The following NCAPG2 variants were observed in gnomAD, a reference collection of about 807,000 sequenced individuals.
NCAPG2 encodes the protein non-SMC condensin II complex subunit G2, also known as condensin-2 complex subunit G2.
NCAPG2 carries 53 observed loss-of-function variants against 141.1 expected under a neutral mutation model. The ratio of observed to expected loss-of-function variants is 0.38; its 90% CI spans 0.30 to 0.47. The LOEUF (loss-of-function observed/expected upper bound fraction) is 0.47, where lower values mean the gene tolerates loss of function less well. Ranked by LOEUF, NCAPG2 falls within the 20% of genes least tolerant of loss-of-function variation. The pLI is 0.99. For missense variants in NCAPG2, 1,087 were observed against 1,389.0 expected, an observed-to-expected ratio of 0.78 and a Z score of 3.46; for synonymous variants, 499 against 490.7, an observed-to-expected ratio of 1.02 and a Z score of -0.22.
intron 17 of NCAPG2, among the ~76,000 whole-genome samples, chr7:158,657,382 G>A (rs935194497): frequency 6.6e-6 from 1 of 152,194 alleles, no homozygotes; most frequent in Admixed American, 6.5e-5. Flanking sequence ...TGTGACCAAC[G>A]GTGACCTTGT....
intron 9 of NCAPG2, among the ~76,000 whole-genome samples, chr7:158,682,489 T>C (rs1430307753): frequency 6.6e-6 from 1 of 152,176 alleles, no homozygotes; most frequent in Non-Finnish European, 1.5e-5. Flanking sequence ...AAATCATCAA[T>C]AATGCAAAGA....
At chr7:158,669,114 G>T (rs1183902755) in intron 13 of NCAPG2, among the ~76,000 whole-genome samples, 5 of 152,108 alleles carry the variant, frequency 3.3e-5, no homozygotes, top group Admixed American at 3.3e-4. Context: ...TCCTTTTTAT[G>T]GCGGCATAGT....
At chr7:158,698,052 A>G (rs1835567009) in intron 2 of NCAPG2, among the ~76,000 whole-genome samples, 1 of 152,096 alleles carries the variant, frequency 6.6e-6, no homozygotes, top group Non-Finnish European at 1.5e-5. Flanking sequence ...TGTACAATAA[A>G]CCCCCATGAG....
chr7:158,677,525 CAAAAAAAAAAAAA>C, intron 11 of NCAPG2, among the ~76,000 whole-genome samples: 1 of 90,404 alleles, frequency 1.1e-5, no homozygotes, highest in Admixed American at 1.1e-4. Context: ...AAAAATAAAG[CAAAAAAAAAAAAA>C]AAAAAAAAAA....
intron 12 of NCAPG2, among the ~76,000 whole-genome samples, chr7:158,673,012 A>C (rs1316584060): frequency 1.3e-5 from 2 of 152,224 alleles, no homozygotes; most frequent in Non-Finnish European, 2.9e-5. Flanking sequence ...GTTTCCTCAG[A>C]AGCATGAAAG....
intron 15 of NCAPG2, 62 bp downstream of exon 15, chr7:158,664,122 A>C: frequency 8.1e-7 from 1 of 1,227,590 alleles, no homozygotes; most frequent in South Asian, 1.2e-5. Context: ...TCCTAACATA[A>C]TGGCCCATGG....
chr7:158,665,829 C>A (rs139242445), intron 13 of NCAPG2, among the ~76,000 whole-genome samples: 2 of 152,160 alleles, frequency 1.3e-5, no homozygotes, highest in African/African-American at 4.8e-5. Context: ...GACATATGAA[C>A]GCCCTCAACT....
intron 11 of NCAPG2, among the ~76,000 whole-genome samples, chr7:158,677,339 G>A (rs1834121537): frequency 6.6e-6 from 1 of 151,816 alleles, no homozygotes; most frequent in Non-Finnish European, 1.5e-5. Context: ...AGAAACTAAG[G>A]GAAGTCCTCC....
Position 158,679,962 on chromosome 7 carries a change from A to G in NCAPG2, c.1144T>C (p.Tyr382His). The change falls in exon 11 of 28, where the codon TAT becomes CAT. Residue 382 changes from tyrosine to histidine, a missense_variant and splice_region_variant. By Grantham distance (83) the Tyr-to-His change is moderately conservative. Coordinates refer to ENST00000356309, the MANE Select transcript of NCAPG2 (RefSeq NM_017760.7). The part of the protein sequence containing the change: ...SEIQKQFEEL[Y>H]SLLEDPYPMV... ...GCTTGACCACCTGAAGTACGTACAT[A>G]GAGCTCTTCAAACTGTTTCTGGATT... 6.2e-7 allele frequency: 1 copy of G among 1,614,062 alleles called. No homozygotes were observed. The highest frequency in any genetic ancestry group is 8.5e-7 in the Non-Finnish European group (1 of 1,179,964).
intron 27 of NCAPG2, among the ~76,000 whole-genome samples, chr7:158,637,789 C>T (rs1830387913): frequency 6.6e-6 from 1 of 152,180 alleles, no homozygotes; most frequent in Admixed American, 6.5e-5. Flanking sequence ...GTCCTGTATT[C>T]TCTAGAGTTC....
chr7:158,669,803 T>C (rs937326446), intron 13 of NCAPG2, among the ~76,000 whole-genome samples: 1 of 120,216 alleles, frequency 8.3e-6, no homozygotes, highest in Admixed American at 9.0e-5. Flanking sequence ...AAAATTGACA[T>C]GCTTACTCTA....
rs1443985176 is a variant in NCAPG2, at chr7:158,672,280, GTGTGTGTGTGTGTA to G, written c.1327-628_1327-615del. On this transcript the variant is annotated intron_variant, in intron 12 of 27. Coordinates refer to ENST00000356309, the MANE Select transcript of NCAPG2 (RefSeq NM_017760.7). ...AGTATATACGGTATTCCAAACACAT[GTGTGTGTGTGTGTA>G]TATATATATATATATATATATATAT... is the stretch of plus-strand genomic sequence containing the variant. 1.3e-3 allele frequency among the ~76,000 whole-genome samples: 67 copies of G among 50,542 alleles called. 1 individual carries two copies. The highest frequency in any genetic ancestry group is 3.8e-3 in the African/African-American group (59 of 15,346). 33.2% of individuals were successfully genotyped at this position (50,542 alleles called of 152,430 possible). A position where few individuals can be genotyped will look rare whatever the true frequency, so the allele number is the denominator to read the frequency against.
At chr7:158,644,229 A>C in intron 27 of NCAPG2, 60 bp downstream of exon 27, 2 of 1,363,940 alleles carry the variant, frequency 1.5e-6, no homozygotes, top group African/African-American at 2.9e-5. Context: ...AACCTCATGC[A>C]GATCCAAAGA....
chr7:158,667,397 C>G (rs1160655643), intron 13 of NCAPG2, among the ~76,000 whole-genome samples: 1 of 87,364 alleles, frequency 1.1e-5, no homozygotes. Context: ...CTACTGGGTC[C>G]CTCCGCCCTC....
intron 2 of NCAPG2, among the ~76,000 whole-genome samples, chr7:158,700,865 T>C (rs1343347719): frequency 1.3e-5 from 2 of 152,240 alleles, no homozygotes; most frequent in Admixed American, 1.3e-4. Context: ...GTGCCTCCAA[T>C]GCTGGCTTCC....
intron 27 of NCAPG2, among the ~76,000 whole-genome samples, chr7:158,639,559 A>G (rs1379561438): frequency 6.6e-6 from 1 of 152,204 alleles, no homozygotes; most frequent in Non-Finnish European, 1.5e-5. Context: ...AATCTAGACC[A>G]ATGCAAGAAA....
chr7:158,704,205 C>A (rs1409395315), intron 1 of NCAPG2, among the ~76,000 whole-genome samples: 1 of 134,556 alleles, frequency 7.4e-6, no homozygotes. Context: ...CTGAGGGGGT[C>A]GCTCTCTGAG....
intron 11 of NCAPG2, among the ~76,000 whole-genome samples, chr7:158,679,638 G>A (rs1834320640): frequency 6.6e-6 from 1 of 152,158 alleles, no homozygotes; most frequent in East Asian, 1.9e-4. Context: ...GCTGACACCA[G>A]AGCATGTGCT....
chr7:158,660,429 T>TTAA (rs869116610), intron 16 of NCAPG2, among the ~76,000 whole-genome samples: 1 of 91,362 alleles, frequency 1.1e-5, no homozygotes, highest in Non-Finnish European at 2.4e-5. Context: ...TTTTTTTTTT[T>TTAA]AAAAGAGGCA....
Sources: allele counts gnomAD v4.1 joint callset (sites outside exome capture counted in the v4.1 genomes callset), GRCh38; gene constraint gnomAD v4.1.1; transcripts MANE v1.5; gene names NCBI Gene and HGNC (gene_info 2026-07-23, HGNC 2026-07-21).